TNFSF12: variants seen among roughly 807,000 people sequenced by gnomAD.
The protein encoded by TNFSF12 is TNF superfamily member 12, also known as tumor necrosis factor ligand superfamily member 12.
In TNFSF12, 16 loss-of-function variants were observed where a neutral mutation model predicts 31.2. The observed-to-expected ratio is 0.51, with a 90% CI of 0.35 to 0.78. The LOEUF (loss-of-function observed/expected upper bound fraction) is 0.78. Among genes scored for constraint, TNFSF12 ranks in the 30% least tolerant of loss-of-function variants. The pLI, the probability that TNFSF12 is intolerant of heterozygous loss-of-function variation, is 0.01. For missense variants in TNFSF12, 324 were observed against 338.8 expected, an observed-to-expected ratio of 0.96 and a Z score of 0.34; for synonymous variants, 150 against 151.4, an observed-to-expected ratio of 0.99 and a Z score of 0.07.
In TNFSF12 at chr17:7,550,897, C is replaced by T. The variant is rs1414929787; in HGVS notation, c.337+45C>T. 1 of 1,613,876 alleles carries T rather than the reference C, an allele frequency of 6.2e-7. No homozygotes were observed. Among genetic ancestry groups the T allele is most frequent in the Non-Finnish European group, 8.5e-7 (1 of 1,179,846 alleles). ...TACCCAGGAGGAGAGGGGCAGGTGG[C>T]AGAGGGTCAGGGCAGGTCTCACCAG... On this transcript the variant is annotated intron_variant, in intron 4 of 6. Transcript: ENST00000293825. The surrounding 1 kb of genome is among the most constrained non-coding windows in gnomAD (Gnocchi z 4.4).
At chr17:7,551,043 C>T (rs2070996542) in intron 5 of TNFSF12, 65 bp downstream of exon 5, 1 of 1,608,652 alleles carries the variant, frequency 6.2e-7, no homozygotes, top group Non-Finnish European at 8.5e-7. Context: ...AACCTTTGAC[C>T]TCCCACTCCC....
intron 5 of TNFSF12, among the ~76,000 whole-genome samples, chr17:7,556,338 T>C (rs991426125): frequency 6.6e-6 from 1 of 152,208 alleles, no homozygotes; most frequent in Admixed American, 6.5e-5. Context: ...CTTCACTCTT[T>C]TTATGGCCAA....
chr17:7,553,365 A>G (rs2071023626), intron 5 of TNFSF12, among the ~76,000 whole-genome samples: 1 of 152,142 alleles, frequency 6.6e-6, no homozygotes, highest in Non-Finnish European at 1.5e-5. Flanking sequence ...AACCCTTTTT[A>G]GAAGTTTCTC....
In TNFSF12 at chr17:7,549,070, C is replaced by G. The variant is rs1159146269; in HGVS notation, c.-84C>G. 8.4e-7 allele frequency: 1 copy of G among 1,189,338 alleles called. No individual in the cohort carries two copies. The highest frequency in any genetic ancestry group is 3.3e-5 in the East Asian group (1 of 30,316). 73.7% of individuals were successfully genotyped at this position (1,189,338 alleles called of 1,614,324 possible). A position where few individuals can be genotyped will look rare whatever the true frequency, so the allele number is the denominator to read the frequency against. ...CCCTTGCCCCTCCCTCTCCCCGGCCCGATCCGCCCGCCGGCTCCCCCTCCC... is the reference window on the plus strand; with the variant it reads ...CCCTTGCCCCTCCCTCTCCCCGGCCGGATCCGCCCGCCGGCTCCCCCTCCC... On this transcript the variant is annotated 5_prime_UTR_variant, in exon 1 of 7. Transcript: ENST00000293825. The surrounding 1 kb of genome is among the most constrained non-coding windows in gnomAD (Gnocchi z 4.1).
At position 7,550,729 on chromosome 17, in the gene TNFSF12, G is replaced by T. The variant is rs1223034141; in HGVS notation, c.284-70G>T. The T allele has an allele frequency of 1.3e-5, 21 of 1,571,810 alleles. No homozygotes were observed. The highest frequency in any genetic ancestry group is 1.7e-5 in the Non-Finnish European group (20 of 1,151,000). The stretch of plus-strand genomic sequence containing the variant: ...TGCCAGGGTTCCTGAGAGGGGAATG[G>T]GGCTGGGAGAGTTGCTCTGGGACCC... On this transcript the variant is annotated intron_variant, in intron 3 of 6. Coordinates refer to ENST00000293825, the MANE Select transcript of TNFSF12 (RefSeq NM_003809.3). The surrounding 1 kb of genome is among the most constrained non-coding windows in gnomAD (Gnocchi z 4.4).
Position 7,549,539 on chromosome 17 carries a change from C to G in TNFSF12, c.207+18C>G, listed in dbSNP as rs769757755. The G allele has an allele frequency of 3.9e-6, 6 of 1,540,148 alleles. No homozygotes were observed. Among genetic ancestry groups the G allele is most frequent in the South Asian group, 1.2e-5 (1 of 83,052 alleles). Reference sequence around the variant, plus strand: ...ACCCGTCGGTGAGTGGGCGTGGGCGCGGTCTGCAGGCTGCTGGGGCATGGG... The same window carrying G: ...ACCCGTCGGTGAGTGGGCGTGGGCGGGGTCTGCAGGCTGCTGGGGCATGGG... On this transcript the variant is annotated intron_variant, in intron 2 of 6. Coordinates refer to ENST00000293825, the MANE Select transcript of TNFSF12 (RefSeq NM_003809.3). The surrounding 1 kb of genome is among the most constrained non-coding windows in gnomAD (Gnocchi z 4.1).
At chr17:7,551,670 G>A (rs893744424) in intron 5 of TNFSF12, among the ~76,000 whole-genome samples, 8 of 152,160 alleles carry the variant, frequency 5.3e-5, no homozygotes, top group African/African-American at 1.7e-4. Context: ...GTGCTCAGCC[G>A]AGGGGTTCAC....
At chr17:7,551,777 A>G (rs996262296) in intron 5 of TNFSF12, among the ~76,000 whole-genome samples, 4 of 152,118 alleles carry the variant, frequency 2.6e-5, no homozygotes, top group Admixed American at 6.6e-5. Flanking sequence ...GGGAGGAATC[A>G]CAGATGACTT....
rs536760410 is a variant in TNFSF12 at position 7,557,675 on chromosome 17, G to A, written c.*325G>A. ...CACTGTACTCTGTGGGCAAGGATGG[G>A]TCCAGAAGACCCCACTTCAGGCACT... On this transcript the variant is annotated 3_prime_UTR_variant, in exon 7 of 7. Coordinates refer to ENST00000293825, the MANE Select transcript of TNFSF12 (RefSeq NM_003809.3). This position sits in a 1 kb window ranked among gnomAD's most constrained non-coding sequence, Gnocchi z 5.2. The A allele has an allele frequency of 4.1e-4, 106 of 260,898 alleles. No homozygotes were observed. The highest frequency in any genetic ancestry group is 2.2e-3 in the African/African-American group (102 of 45,402). The allele number at this position is 260,898 out of a possible 1,614,324, so 16.2% of individuals were successfully genotyped here.
At chr17:7,554,307 CTTTTTTTTT>C (rs67090485) in intron 5 of TNFSF12, among the ~76,000 whole-genome samples, 1 of 73,010 alleles carries the variant, frequency 1.4e-5, no homozygotes, top group Admixed American at 1.7e-4. Context: ...TATCCAGACT[CTTTTTTTTT>C]TTTTTTTTTT....
intron 5 of TNFSF12, 35 bp from the exon 6 acceptor site, chr17:7,556,743 G>T: frequency 6.8e-7 from 1 of 1,480,048 alleles, no homozygotes; most frequent in Non-Finnish European, 9.0e-7. Context: ...GTCCTGTAGA[G>T]AGACGTTTCC....
intron 5 of TNFSF12, chr17:7,553,855 G>A (rs2071027915): frequency 1.8e-6 from 2 of 1,106,022 alleles, no homozygotes; most frequent in Admixed American, 7.7e-5. Flanking sequence ...GGGGGGAGAT[G>A]AGGGAACCTT....
At position 7,556,914 on chromosome 17, in the gene TNFSF12, C is replaced by A. The variant is rs755822673; in HGVS notation, c.498+12C>A. On this transcript the variant is annotated intron_variant, in intron 6 of 6. Transcript: ENST00000293825. ...ACCTGTACTGTCAGGTAAGCCCCAT[C>A]TGGCTGCATGGGTAACGCAGTAAGA... The A allele has an allele frequency of 6.6e-7, 1 of 1,518,826 alleles. No individual in the cohort carries two copies. Among genetic ancestry groups the A allele is most frequent in the Non-Finnish European group, 8.8e-7 (1 of 1,131,676 alleles). The allele number at this position is 1,518,826 out of a possible 1,614,324, so 94.1% of individuals were successfully genotyped here. A position where few individuals can be genotyped will look rare whatever the true frequency, so the allele number is the denominator to read the frequency against.
chr17:7,557,049 G>C lies in TNFSF12; in HGVS notation c.499-50G>C. The C allele has an allele frequency of 6.4e-7, 1 of 1,565,114 alleles. No homozygotes were observed. The highest frequency in any genetic ancestry group is 2.3e-5 in the East Asian group (1 of 44,172). On this transcript the variant is annotated intron_variant, in intron 6 of 6. Transcript: ENST00000293825. The surrounding 1 kb of genome is among the most constrained non-coding windows in gnomAD (Gnocchi z 5.2). ...TGCGTCGCTGAGGAAATTGGAAATT[G>C]AGGCGAGGGCAGGCAGAGGCCTGGA...
chr17:7,554,925 A>G (rs2071044022), intron 5 of TNFSF12, among the ~76,000 whole-genome samples: 2 of 152,070 alleles, frequency 1.3e-5, no homozygotes, highest in Non-Finnish European at 2.9e-5. Context: ...CCTCAGACCA[A>G]CTCTTAAGGA....
chr17:7,554,290 C>G (rs997347654), intron 5 of TNFSF12, among the ~76,000 whole-genome samples: 1 of 149,068 alleles, frequency 6.7e-6, no homozygotes, highest in Non-Finnish European at 1.5e-5. Flanking sequence ...GTGCCCACAG[C>G]AACTAATATC....
In TNFSF12 at chr17:7,550,889, G is replaced by A; in HGVS notation, c.337+37G>A. 2 of 1,613,914 alleles carry A rather than the reference G, an allele frequency of 1.2e-6. No individual in the cohort carries two copies. The highest frequency in any genetic ancestry group is 2.2e-5 in the South Asian group (2 of 91,054). On this transcript the variant is annotated intron_variant, in intron 4 of 6. Transcript: ENST00000293825. This position sits in a 1 kb window ranked among gnomAD's most constrained non-coding sequence, Gnocchi z 4.4. Reference sequence around the variant, plus strand: ...GTGAGCCATACCCAGGAGGAGAGGGGCAGGTGGCAGAGGGTCAGGGCAGGT... The same window carrying A: ...GTGAGCCATACCCAGGAGGAGAGGGACAGGTGGCAGAGGGTCAGGGCAGGT...
intron 5 of TNFSF12, among the ~76,000 whole-genome samples, chr17:7,554,535 T>C (rs1320099812): frequency 1.3e-5 from 2 of 150,394 alleles, no homozygotes; most frequent in Non-Finnish European, 3.0e-5. Flanking sequence ...CAGGATGGTC[T>C]CGATCTCCTG....
Position 7,549,461 on chromosome 17 carries a change from T to C in TNFSF12, c.160-13T>C. 6.6e-7 allele frequency: 1 copy of C among 1,513,716 alleles called. No individual in the cohort carries two copies. The highest frequency in any genetic ancestry group is 8.9e-7 in the Non-Finnish European group (1 of 1,121,048). The allele number at this position is 1,513,716 out of a possible 1,614,324, so 93.8% of individuals were successfully genotyped here. A position where few individuals can be genotyped will look rare whatever the true frequency, so the allele number is the denominator to read the frequency against. Reference sequence around the variant, plus strand: ...TGGAGCGGCACAGGGTGACGCTCCCTCCTTCCCAGCAGGAGCCTGCCCAGG... The same window carrying C: ...TGGAGCGGCACAGGGTGACGCTCCCCCCTTCCCAGCAGGAGCCTGCCCAGG... On this transcript the variant is annotated splice_polypyrimidine_tract_variant and intron_variant, in intron 1 of 6. Transcript: ENST00000293825. The surrounding 1 kb of genome is among the most constrained non-coding windows in gnomAD (Gnocchi z 4.1).
Sources: gnomAD v4.1 joint callset for allele counts (sites outside exome capture counted in the v4.1 genomes callset) on GRCh38, gnomAD v4.1.1 for gene constraint, Gnocchi (gnomAD v3.1) non-coding constraint, MANE v1.5 for transcripts, NCBI Gene and HGNC (gene_info 2026-07-23, HGNC 2026-07-21) for gene names.